Variants in NARS2 observed in about 807,000 individuals in gnomAD.
The protein encoded by NARS2 is asparaginyl-tRNA synthetase.
In NARS2, 60 loss-of-function variants were observed where a neutral mutation model predicts 62.9. The observed-to-expected ratio is 0.95, with a 90% CI of 0.77 to 1.18. NARS2 has a LOEUF of 1.18. NARS2 is among the 50% of genes most tolerant of loss of function. The pLI, the probability that NARS2 is intolerant of heterozygous loss-of-function variation, is 0.00. For missense variants in NARS2, 619 were observed against 576.4 expected, an observed-to-expected ratio of 1.07 and a Z score of -0.76; for synonymous variants, 196 against 200.0, an observed-to-expected ratio of 0.98 and a Z score of 0.17.
rs536857363 is a variant in NARS2, at chr11:78,562,849, AT to A, written c.514-3231del. ...TCTTAAAAGTACTGTTCAAGTTTCCATTTTTCCCCCACATTTCTATATTTTA... is the reference window on the plus strand; with the variant it reads ...TCTTAAAAGTACTGTTCAAGTTTCCATTTTCCCCCACATTTCTATATTTTA... On this transcript the variant is annotated intron_variant, in intron 4 of 13. Transcript: ENST00000281038. 3.0e-3 allele frequency among the ~76,000 whole-genome samples: 458 copies of A among 152,272 alleles called. 3 individuals carry two copies. Among genetic ancestry groups the A allele is most frequent in the Admixed American group, 2.4e-3 (36 of 15,290 alleles).
chr11:78,466,776 G>T (rs1230989339), intron 10 of NARS2, among the ~76,000 whole-genome samples: 2 of 152,112 alleles, frequency 1.3e-5, no homozygotes, highest in Non-Finnish European at 2.9e-5. Flanking sequence ...CCACAGTGAT[G>T]GCCGGTGACT....
rs567343693 is a variant in NARS2 at position 78,528,488 on chromosome 11, T to C, written c.689+354A>G. Among the ~76,000 whole-genome samples, 6 of 152,304 alleles carry C rather than the reference T, an allele frequency of 3.9e-5. No homozygotes were observed. In the South Asian group the frequency reaches 6.2e-4, roughly 16 times the overall value. On this transcript the variant is annotated intron_variant, in intron 6 of 13. Coordinates refer to ENST00000281038, the MANE Select transcript of NARS2 (RefSeq NM_024678.6). The stretch of plus-strand genomic sequence containing the variant: ...CTGAAAAAAAAATTATTCCGTCTGT[T>C]TCAAATACTACTCTCTTTAAAATGA...
rs1170489778 is a variant in NARS2, at chr11:78,528,830, A to G, written c.689+12T>C. The G allele has an allele frequency of 4.4e-6, 7 of 1,582,306 alleles. No individual in the cohort carries two copies. The highest frequency in any genetic ancestry group is 3.3e-5 in the South Asian group (3 of 90,310). ...AATATATCAAAGCAAAAGAGAAAGGAAAATTTCATACCCTGACATCACTTC... is the reference window on the plus strand; with the variant it reads ...AATATATCAAAGCAAAAGAGAAAGGGAAATTTCATACCCTGACATCACTTC... On this transcript the variant is annotated intron_variant, in intron 6 of 13. Coordinates refer to ENST00000281038, the MANE Select transcript of NARS2 (RefSeq NM_024678.6).
At chr11:78,470,241 A>G (rs1367936219) in intron 9 of NARS2, among the ~76,000 whole-genome samples, 1 of 152,218 alleles carries the variant, frequency 6.6e-6, no homozygotes, top group African/African-American at 2.4e-5. Context: ...AGACACCCTC[A>G]TGCCTAAAGT....
intron 6 of NARS2, among the ~76,000 whole-genome samples, chr11:78,504,949 C>G (rs1565243411): frequency 1.3e-5 from 2 of 152,000 alleles, no homozygotes; most frequent in Admixed American, 6.6e-5. Context: ...GCCCCCAGAA[C>G]TGCACTTAAG....
intron 6 of NARS2, 64 bp from the exon 7 acceptor site, chr11:78,493,259 T>C: frequency 2.7e-6 from 4 of 1,470,842 alleles, no homozygotes; most frequent in Non-Finnish European, 2.8e-6. Context: ...TATTTAAATA[T>C]TCAGTGAGCT....
At chr11:78,506,776 C>T (rs565960907) in intron 6 of NARS2, among the ~76,000 whole-genome samples, 2 of 152,290 alleles carry the variant, frequency 1.3e-5, no homozygotes, top group South Asian at 2.1e-4. Flanking sequence ...CAGCCTCAGG[C>T]GATCCACCTG....
chr11:78,557,755 T>G (rs1328409475), intron 5 of NARS2, among the ~76,000 whole-genome samples: 3 of 149,962 alleles, frequency 2.0e-5, no homozygotes, highest in Admixed American at 6.7e-5. Flanking sequence ...ATAATTTGTC[T>G]TAGGTTATTT....
At chr11:78,457,822 A>C (rs1858226127) in intron 11 of NARS2, among the ~76,000 whole-genome samples, 1 of 151,410 alleles carries the variant, frequency 6.6e-6, no homozygotes, top group South Asian at 2.1e-4. Flanking sequence ...ACACACACAC[A>C]CACACAAACA....
intron 11 of NARS2, among the ~76,000 whole-genome samples, chr11:78,446,431 AG>A (rs1174248445): frequency 2.6e-5 from 4 of 152,222 alleles, no homozygotes; most frequent in African/African-American, 9.6e-5. Context: ...CAGAGCAAGG[AG>A]GAAGTCTGGT....
intron 13 of NARS2, among the ~76,000 whole-genome samples, chr11:78,438,879 T>C (rs1857491947): frequency 6.6e-6 from 1 of 152,108 alleles, no homozygotes; most frequent in Non-Finnish European, 1.5e-5. Context: ...AATATACTAA[T>C]ATAGAAGGAA....
chr11:78,468,810 T>G (rs929133041), intron 10 of NARS2, among the ~76,000 whole-genome samples: 8 of 149,744 alleles, frequency 5.3e-5, no homozygotes, highest in Admixed American at 6.6e-5. Flanking sequence ...TTTTTTTTTT[T>G]GGGTAGAGAC....
intron 5 of NARS2, among the ~76,000 whole-genome samples, chr11:78,543,281 A>G (rs541080639): frequency 2.0e-5 from 3 of 152,338 alleles, no homozygotes; most frequent in Non-Finnish European, 4.4e-5. Context: ...TTTTGAGATC[A>G]AAGTGTCTCT....
intron 6 of NARS2, among the ~76,000 whole-genome samples, chr11:78,519,866 A>C (rs1590807555): frequency 6.6e-6 from 1 of 151,926 alleles, no homozygotes; most frequent in Admixed American, 6.6e-5. Flanking sequence ...ACGCCTGGCT[A>C]ATTTTTTTAG....
chr11:78,571,461 T>C lies in NARS2; in HGVS notation c.142-17A>G. Reference sequence around the variant, plus strand: ...AATCCATCCCTAAGGAAGAGAAATATTTCCAATGTGAGCGTAAAACATTTT... The same window carrying C: ...AATCCATCCCTAAGGAAGAGAAATACTTCCAATGTGAGCGTAAAACATTTT... On this transcript the variant is annotated splice_polypyrimidine_tract_variant and intron_variant, in intron 1 of 13. Coordinates refer to ENST00000281038, the MANE Select transcript of NARS2 (RefSeq NM_024678.6). The C allele has an allele frequency of 1.9e-6, 3 of 1,566,250 alleles. No homozygotes were observed. The highest frequency in any genetic ancestry group is 2.2e-5 in the South Asian group (2 of 89,746).
intron 11 of NARS2, among the ~76,000 whole-genome samples, chr11:78,446,853 CAAACT>C (rs1446627982): frequency 2.0e-5 from 3 of 151,826 alleles, no homozygotes; most frequent in Non-Finnish European, 4.4e-5. Flanking sequence ...GAGACAGTAT[CAAACT>C]AAAAAGTTTC....
At position 78,574,554 on chromosome 11, in the gene NARS2, G is replaced by A. The variant is rs990478545; in HGVS notation, c.-66C>T. The A allele has an allele frequency of 7.5e-5, 112 of 1,497,498 alleles. No individual in the cohort carries two copies. The highest frequency in any genetic ancestry group is 4.1e-4 in the Middle Eastern group (2 of 4,832). The allele number at this position is 1,497,498 out of a possible 1,614,324, so 92.8% of individuals were successfully genotyped here. A position where few individuals can be genotyped will look rare whatever the true frequency, so the allele number is the denominator to read the frequency against. On this transcript the variant is annotated 5_prime_UTR_variant, in exon 1 of 14. Coordinates refer to ENST00000281038, the MANE Select transcript of NARS2 (RefSeq NM_024678.6). ...CCACGGTTCGAACCCCGCCTGCAGCGGCCCTCCTTTCTCAGCTGCTCCCCT... is the reference window on the plus strand; with the variant it reads ...CCACGGTTCGAACCCCGCCTGCAGCAGCCCTCCTTTCTCAGCTGCTCCCCT...
At chr11:78,486,671 T>C (rs911686998) in intron 7 of NARS2, among the ~76,000 whole-genome samples, 11 of 151,816 alleles carry the variant, frequency 7.2e-5, no homozygotes, top group Non-Finnish European at 1.3e-4. Context: ...GAACCCAGAG[T>C]GTCAGAACAC....
intron 6 of NARS2, among the ~76,000 whole-genome samples, chr11:78,505,359 A>C (rs1479766106): frequency 6.6e-6 from 1 of 151,952 alleles, no homozygotes; most frequent in Non-Finnish European, 1.5e-5. Context: ...AAAGAGAAAA[A>C]GAAATTTCAG....
Sources: gnomAD v4.1 joint callset for allele counts (sites outside exome capture counted in the v4.1 genomes callset) on GRCh38, gnomAD v4.1.1 for gene constraint, MANE v1.5 for transcripts, NCBI Gene and HGNC (gene_info 2026-07-23, HGNC 2026-07-21) for gene names.